MYO9A: variants seen among roughly 807,000 people sequenced by gnomAD.
The protein encoded by MYO9A is myosin IXA.
MYO9A carries 103 observed loss-of-function variants against 293.3 expected under a neutral mutation model. The observed-to-expected ratio is 0.35, with a 90% CI of 0.30 to 0.41. The LOEUF (loss-of-function observed/expected upper bound fraction) is 0.41. Ranked by LOEUF, MYO9A falls within the 10% of genes least tolerant of loss-of-function variation. The probability of loss-of-function intolerance (pLI) is 1.00; values close to 1 mark genes in which losing one functional copy is unlikely to be tolerated. For synonymous variants in MYO9A, 1,001 were observed against 1,035.7 expected, an observed-to-expected ratio of 0.97 and a Z score of 0.64; for missense variants, 2,685 against 3,033.0, an observed-to-expected ratio of 0.89 and a Z score of 2.69.
intron 6 of MYO9A, among the ~76,000 whole-genome samples, chr15:72,011,427 T>C (rs1174051898): frequency 6.6e-6 from 1 of 151,994 alleles, no homozygotes; most frequent in African/African-American, 2.4e-5. Context: ...GAAAGAAGTA[T>C]ATGTGAAAGT....
At chr15:72,035,709 G>A (rs943146757) in intron 2 of MYO9A, among the ~76,000 whole-genome samples, 3 of 152,156 alleles carry the variant, frequency 2.0e-5, no homozygotes, top group African/African-American at 7.2e-5. Context: ...GGAGGCTGAG[G>A]TGGGAAGATC....
chr15:71,950,728 CACA>C (rs948241229), intron 15 of MYO9A, among the ~76,000 whole-genome samples: 9 of 152,090 alleles, frequency 5.9e-5, no homozygotes, highest in African/African-American at 1.9e-4. Context: ...AAAAAGAATC[CACA>C]ACATTTGTTC....
intron 35 of MYO9A, among the ~76,000 whole-genome samples, chr15:71,852,577 G>T (rs1016784576): frequency 4.6e-5 from 7 of 152,144 alleles, no homozygotes; most frequent in Non-Finnish European, 8.8e-5. Flanking sequence ...TGGTCAGGCT[G>T]GTCTCGAACT....
At chr15:71,987,330 CTTCAG>C (rs1384427908) in intron 11 of MYO9A, among the ~76,000 whole-genome samples, 1 of 152,182 alleles carries the variant, frequency 6.6e-6, no homozygotes, top group East Asian at 1.9e-4. Context: ...GTTCACTGCT[CTTCAG>C]TTCAATTCAA....
At chr15:72,089,560 A>G (rs907553398) in intron 1 of MYO9A, among the ~76,000 whole-genome samples, 3 of 152,038 alleles carry the variant, frequency 2.0e-5, no homozygotes, top group African/African-American at 7.2e-5. Flanking sequence ...GAGGAGGATC[A>G]CTTGAGGCCA....
chr15:71,826,666 T>C lies in MYO9A; in HGVS notation c.7561A>G (p.Met2521Val), dbSNP rs768903761. The C allele has an allele frequency of 1.6e-5, 26 of 1,613,906 alleles. No individual in the cohort carries two copies. Among genetic ancestry groups the C allele is most frequent in the Non-Finnish European group, 2.1e-5 (25 of 1,179,958 alleles). The change falls in exon 42 of 42, where the codon ATG (methionine) becomes GTG (valine). Residue 2521 changes from methionine (M) to valine (V), a missense_variant. Physicochemically the swap from Met to Val is conservative, Grantham distance 21 (BLOSUM62 1). Around this residue, in one of 10 missense-constraint regions of MYO9A, gnomAD observed 350 missense variants for 328.9 expected, o/e 1.06. Coordinates refer to ENST00000356056, the MANE Select transcript of MYO9A (RefSeq NM_006901.4). ...TCCACAGTTTTTCTGCGGCCAGACA[T>C]GACTGTCCCCTCTGGGGTCTCTTTG... ...KTKETPEGTV[M>V]SGRRKTVDPD...
intron 34 of MYO9A, among the ~76,000 whole-genome samples, chr15:71,856,642 G>A (rs192769729): frequency 6.6e-6 from 1 of 152,186 alleles, no homozygotes; most frequent in South Asian, 2.1e-4. Flanking sequence ...AGTATTATCA[G>A]TATTATTTTG....
At chr15:72,065,555 T>C (rs568245034) in intron 1 of MYO9A, among the ~76,000 whole-genome samples, 1 of 143,692 alleles carries the variant, frequency 7.0e-6, no homozygotes, top group Non-Finnish European at 1.5e-5. Flanking sequence ...GAACCTAGAG[T>C]GGGATCTCGA....
chr15:72,009,757 C>T (rs1331516278), intron 7 of MYO9A, among the ~76,000 whole-genome samples: 1 of 151,912 alleles, frequency 6.6e-6, no homozygotes, highest in African/African-American at 2.4e-5. Flanking sequence ...TTCATCAGCA[C>T]GACTCTCCCC....
chr15:71,868,264 C>T (rs539213518), intron 32 of MYO9A, among the ~76,000 whole-genome samples: 4 of 152,254 alleles, frequency 2.6e-5, no homozygotes, highest in Admixed American at 2.0e-4. Flanking sequence ...CTCTAGAGGC[C>T]GGTCACATTC....
rs918016153 is a variant in MYO9A at position 72,037,911 on chromosome 15, CT to C, written c.841-5324del. ...GGACTTACTAGGCAAAGACTATCAG[CT>C]TTTTTTTTTTTTTTTTCTCTGAGAC... On this transcript the variant is annotated intron_variant, in intron 2 of 41. Transcript: ENST00000356056. 4.3e-3 allele frequency among the ~76,000 whole-genome samples: 602 copies of C among 139,936 alleles called. 2 individuals are homozygous for C. Among genetic ancestry groups the C allele is most frequent in the African/African-American group, 5.6e-3 (214 of 38,242 alleles). The allele number at this position is 139,936 out of a possible 152,430, so 91.8% of individuals were successfully genotyped here.
chr15:71,861,246 A>T (rs1349430316), intron 33 of MYO9A, among the ~76,000 whole-genome samples: 1 of 150,968 alleles, frequency 6.6e-6, no homozygotes, highest in Non-Finnish European at 1.5e-5. Flanking sequence ...AACTGCTGTC[A>T]TATTGGTTCC....
chr15:71,978,164 C>T lies in MYO9A; in HGVS notation c.1844+7G>A. 3 of 1,610,406 alleles carry T rather than the reference C, an allele frequency of 1.9e-6. No individual in the cohort carries two copies. In the East Asian group the frequency reaches 6.7e-5, roughly 36 times the overall value. The stretch of plus-strand genomic sequence containing the variant: ...CCAATAACAAAATTGAAAAGAATCA[C>T]ACTCACTTGCTTTCTTCATCCAAAA... On this transcript the variant is annotated splice_region_variant and intron_variant, in intron 12 of 41. Transcript: ENST00000356056.
chr15:72,118,288 A>G, upstream of MYO9A: 1 of 282,188 alleles, frequency 3.5e-6, no homozygotes, highest in Non-Finnish European at 6.6e-6. Context: ...GCCCCGCCCA[A>G]ATTTTTTCTT....
At chr15:72,107,984 A>T (rs971467907) in intron 1 of MYO9A, among the ~76,000 whole-genome samples, 38 of 152,346 alleles carry the variant, frequency 2.5e-4, no homozygotes, top group African/African-American at 8.7e-4. Context: ...GATAAAGGTT[A>T]CAAAGCTCTT....
chr15:71,887,723 A>C (rs1010798003), intron 27 of MYO9A, among the ~76,000 whole-genome samples: 4 of 151,944 alleles, frequency 2.6e-5, no homozygotes, highest in Non-Finnish European at 5.9e-5. Flanking sequence ...TAACTTGCTT[A>C]TTTTTCTCTT....
chr15:72,018,461 C>CA (rs1312779508), intron 6 of MYO9A, among the ~76,000 whole-genome samples: 5 of 151,502 alleles, frequency 3.3e-5, no homozygotes, highest in African/African-American at 4.9e-5. Flanking sequence ...GACTCTGTCA[C>CA]AAAAAATAAA....
chr15:71,825,727 A>C lies in MYO9A; in HGVS notation c.*853T>G, dbSNP rs183864527. 1.3e-5 allele frequency: 2 copies of C among 152,336 alleles called. No individual in the cohort carries two copies. The highest frequency in any genetic ancestry group is 6.5e-5 in the Admixed American group (1 of 15,302). 9.4% of individuals were successfully genotyped at this position (152,336 alleles called of 1,614,324 possible). A position where few individuals can be genotyped will look rare whatever the true frequency, so the allele number is the denominator to read the frequency against. ...CTGAATGGCTTAGGATGAAACCTTC[A>C]TAAGTTTAGGGATCACCATGTCTCT... On this transcript the variant is annotated 3_prime_UTR_variant, in exon 42 of 42. Coordinates refer to ENST00000356056, the MANE Select transcript of MYO9A (RefSeq NM_006901.4).
intron 1 of MYO9A, among the ~76,000 whole-genome samples, chr15:72,110,835 A>G (rs998006766): frequency 6.6e-6 from 1 of 152,176 alleles, no homozygotes; most frequent in Admixed American, 6.5e-5. Flanking sequence ...TTAGCCATTT[A>G]TTCTAAAAGC....
Sources: gnomAD v4.1 joint callset for allele counts (sites outside exome capture counted in the v4.1 genomes callset) on GRCh38, gnomAD v4.1.1 for gene constraint, gnomAD v4.1.1 regional missense constraint, MANE v1.5 for transcripts, NCBI Gene and HGNC (gene_info 2026-07-23, HGNC 2026-07-21) for gene names.